Variants in ZZEF1 observed in about 807,000 individuals in gnomAD.
ZZEF1 encodes zinc finger ZZ-type and EF-hand domain-containing protein 1.
In ZZEF1, 157 loss-of-function variants were observed where a neutral mutation model predicts 342.8. The observed-to-expected ratio is 0.46, with a 90% confidence interval of 0.40 to 0.52. ZZEF1 has a LOEUF of 0.52. Among genes scored for constraint, ZZEF1 ranks in the 20% least tolerant of loss-of-function variants. The pLI, the probability that ZZEF1 is intolerant of heterozygous loss-of-function variation, is 0.00. For synonymous variants in ZZEF1, 1,505 were observed against 1,429.1 expected (o/e 1.05, Z -1.20); for missense variants, 3,480 against 3,725.6 (o/e 0.93, Z 1.72).
intron 9 of ZZEF1, 98 bp downstream of exon 9, chr17:4,102,219 G>C: frequency 9.5e-7 from 1 of 1,052,744 alleles, no homozygotes; most frequent in Non-Finnish European, 1.4e-6. Flanking sequence ...TAAAATTGAA[G>C]ACTGCACGCC....
At chr17:4,060,671 T>A (rs1330538756) in intron 30 of ZZEF1, among the ~76,000 whole-genome samples, 1 of 148,326 alleles carries the variant, frequency 6.7e-6, no homozygotes, top group African/African-American at 2.5e-5. Flanking sequence ...CTCCTTCTCA[T>A]CCTTCCATTC....
rs2057059071 is a variant in ZZEF1, at chr17:4,052,028, A to G, written c.5543T>C (p.Val1848Ala). The change falls in exon 35 of 55, where the codon GTT becomes GCT. Residue 1848 changes from valine (V) to alanine (A), a missense_variant. Physicochemically the swap from Val to Ala is moderately conservative, Grantham distance 64 (BLOSUM62 0). Around this residue, in one of 5 missense-constraint regions of ZZEF1, gnomAD observed 175 missense variants for 254.6 expected, o/e 0.69. Transcript: ENST00000381638. ...LIIGRRMNCNVCDDFDLCYGC... is the reference protein window; with the variant it reads ...LIIGRRMNCNACDDFDLCYGC... ...GTAGCAAAGATCAAAGTCATCGCAA[A>G]CATTGCAGTTCATCCTCCGGCCTAT... 1 of 1,614,066 alleles carries G rather than the reference A, an allele frequency of 6.2e-7. No homozygotes were observed. Among genetic ancestry groups the G allele is most frequent in the African/African-American group, 1.3e-5 (1 of 74,932 alleles).
chr17:4,053,004 G>GGACCC (rs1423202882), intron 34 of ZZEF1, among the ~76,000 whole-genome samples: 3 of 152,126 alleles, frequency 2.0e-5, no homozygotes, highest in African/African-American at 7.2e-5. Flanking sequence ...GCTCTGTCAT[G>GGACCC]GACCCTAAAG....
chr17:4,111,031 C>T (rs1161180034), intron 5 of ZZEF1, among the ~76,000 whole-genome samples: 1 of 152,056 alleles, frequency 6.6e-6, no homozygotes, highest in South Asian at 2.1e-4. Context: ...CATATTTTTA[C>T]AACACTAAAT....
chr17:4,041,406 T>C (rs1436281471), intron 39 of ZZEF1, among the ~76,000 whole-genome samples: 2 of 151,652 alleles, frequency 1.3e-5, no homozygotes, highest in African/African-American at 2.4e-5. Context: ...AGTCTGAGCA[T>C]CTCCAGGCAA....
chr17:4,088,839 C>T lies in ZZEF1; in HGVS notation c.2080G>A (p.Val694Met). The stretch of plus-strand genomic sequence containing the variant: ...TACCCACTGATGGTCAAGCCTTGCA[C>T]TCCCAAGCGCTCTGCTGACTCCTGA... ...TRQESAERLGVQGLTISGYLR... is the reference protein window; with the variant it reads ...TRQESAERLGMQGLTISGYLR... The change falls in exon 13 of 55, where the codon GTG (valine) becomes ATG (methionine). Residue 694 changes from valine (V) to methionine (M), a missense_variant. By Grantham distance (21) the Val-to-Met change is conservative (BLOSUM62 1). Transcript: ENST00000381638. The T allele has an allele frequency of 6.2e-7, 1 of 1,614,200 alleles. No homozygotes were observed. Among genetic ancestry groups the T allele is most frequent in the Non-Finnish European group, 8.5e-7 (1 of 1,180,052 alleles).
At chr17:4,066,657 T>A (rs191717209) in intron 27 of ZZEF1, 117 bp from the exon 28 acceptor site, 3 of 856,692 alleles carry the variant, frequency 3.5e-6, no homozygotes, top group African/African-American at 3.3e-5. Flanking sequence ...CACAGTTGTA[T>A]CATTTAGAGG....
intron 45 of ZZEF1, 110 bp from the exon 46 acceptor site, chr17:4,019,879 T>A (rs2056222232): frequency 3.9e-6 from 3 of 760,688 alleles, no homozygotes; most frequent in Non-Finnish European, 6.2e-6. Flanking sequence ...TGCCACAGGT[T>A]ATAATTGAGG....
intron 30 of ZZEF1, among the ~76,000 whole-genome samples, chr17:4,060,732 T>A (rs767672927): frequency 1.3e-5 from 2 of 152,018 alleles, no homozygotes; most frequent in Non-Finnish European, 1.5e-5. Context: ...AACTTAGGTA[T>A]CTTGAGAAAG....
chr17:4,108,331 C>T (rs956176375), intron 6 of ZZEF1, among the ~76,000 whole-genome samples: 37 of 151,922 alleles, frequency 2.4e-4, no homozygotes, highest in African/African-American at 6.5e-4. Context: ...AATCTGATCA[C>T]AATAAAACAT....
intron 29 of ZZEF1, among the ~76,000 whole-genome samples, chr17:4,063,297 T>G (rs9896963): frequency 1.3e-5 from 2 of 151,988 alleles, no homozygotes; most frequent in Non-Finnish European, 2.9e-5. Flanking sequence ...TGTTGGAAAA[T>G]ATCAAATCCT....
chr17:4,113,398 T>C (rs1234713608), intron 4 of ZZEF1, among the ~76,000 whole-genome samples: 2 of 152,166 alleles, frequency 1.3e-5, no homozygotes, highest in Non-Finnish European at 2.9e-5. Context: ...CAAAAATGTA[T>C]ATAGAAAGAG....
intron 32 of ZZEF1, 38 bp downstream of exon 32, chr17:4,057,956 T>G: frequency 6.3e-7 from 1 of 1,595,688 alleles, no homozygotes. Flanking sequence ...TTTCATAACC[T>G]ACATTAGGAA....
intron 2 of ZZEF1, among the ~76,000 whole-genome samples, chr17:4,121,924 C>T (rs1196438844): frequency 6.6e-6 from 1 of 152,018 alleles, no homozygotes; most frequent in African/African-American, 2.4e-5. Flanking sequence ...CACTATGCTG[C>T]CCTGGCTGGT....
chr17:4,128,083 C>T (rs1046169442), intron 1 of ZZEF1, among the ~76,000 whole-genome samples: 1 of 152,116 alleles, frequency 6.6e-6, no homozygotes, highest in Non-Finnish European at 1.5e-5. Flanking sequence ...CGGTGGCTCA[C>T]GTCTGCAATC....
rs1159937721 is a variant in ZZEF1 at position 4,112,073 on chromosome 17, T to C, written c.1066+536A>G. On this transcript the variant is annotated intron_variant, in intron 5 of 54. Coordinates refer to ENST00000381638, the MANE Select transcript of ZZEF1 (RefSeq NM_015113.4). ...ATATATATATATATATATATATATA[T>C]ATATATATATATATATATATGTTTT... is the stretch of plus-strand genomic sequence containing the variant. Among the ~76,000 whole-genome samples the C allele has an allele frequency of 1.8e-4, 10 of 56,852 alleles. 2 individuals carry two copies. The highest frequency in any genetic ancestry group is 8.0e-4 in the African/African-American group (10 of 12,526). The allele number at this position is 56,852 out of a possible 152,430, so 37.3% of individuals were successfully genotyped here. A position where few individuals can be genotyped will look rare whatever the true frequency, so the allele number is the denominator to read the frequency against.
chr17:4,019,884 T>C (rs373115045), intron 45 of ZZEF1, 115 bp from the exon 46 acceptor site: 82 of 707,030 alleles, frequency 1.2e-4, no homozygotes, highest in South Asian at 9.2e-4. Context: ...CAGGTTATAA[T>C]TGAGGAACAT....
intron 16 of ZZEF1, among the ~76,000 whole-genome samples, chr17:4,083,180 C>T (rs919983929): frequency 1.3e-5 from 2 of 152,212 alleles, no homozygotes; most frequent in African/African-American, 2.4e-5. Flanking sequence ...GAGAGAGAAT[C>T]GCTCAGCACT....
intron 54 of ZZEF1, 61 bp from the exon 55 acceptor site, chr17:4,007,031 T>G: frequency 7.0e-7 from 1 of 1,434,202 alleles, no homozygotes; most frequent in Non-Finnish European, 9.5e-7. Context: ...CAGTGAGTGC[T>G]GATAAGACCC....
Sources: gnomAD v4.1 joint callset for allele counts (sites outside exome capture counted in the v4.1 genomes callset) on GRCh38, gnomAD v4.1.1 for gene constraint, gnomAD v4.1.1 regional missense constraint, MANE v1.5 for transcripts, NCBI Gene and HGNC (gene_info 2026-07-23, HGNC 2026-07-21) for gene names.